BRK1: variants seen among roughly 807,000 people sequenced by gnomAD.
The protein encoded by BRK1 is BRICK1 subunit of SCAR/WAVE actin nucleating complex, also known as protein BRICK1.
Under a neutral mutation model 9.9 loss-of-function variants are expected in BRK1, and 6 were observed. That is an observed-to-expected ratio of 0.60 (90% CI 0.33 to 1.19). BRK1 has a LOEUF of 1.19. BRK1 is among the 50% of genes most tolerant of loss of function. BRK1 has a pLI of 0.04. For missense variants in BRK1, 62 were observed against 97.5 expected (o/e 0.64, Z 1.53); for synonymous variants, 44 against 31.9 (o/e 1.38, Z -1.28).
chr3:10,119,397 G>A (rs1229906270), intron 1 of BRK1, among the ~76,000 whole-genome samples: 1 of 152,116 alleles, frequency 6.6e-6, no homozygotes, highest in African/African-American at 2.4e-5. Flanking sequence ...GGCAAAGGTT[G>A]CAGTGAGCCA....
At chr3:10,124,100 T>C (rs1017334856) in intron 1 of BRK1, among the ~76,000 whole-genome samples, 2 of 150,284 alleles carry the variant, frequency 1.3e-5, no homozygotes, top group African/African-American at 2.5e-5. Flanking sequence ...AAGTCTTAGT[T>C]AGGCCATTAG....
At chr3:10,116,869 T>A (rs1695693156) in intron 1 of BRK1, among the ~76,000 whole-genome samples, 2 of 152,186 alleles carry the variant, frequency 1.3e-5, no homozygotes, top group South Asian at 2.1e-4. Context: ...AGTTCTAATC[T>A]TGAAGATGAA....
intron 1 of BRK1, among the ~76,000 whole-genome samples, chr3:10,116,926 G>C (rs139337700): frequency 2.0e-5 from 3 of 152,184 alleles, no homozygotes; most frequent in Non-Finnish European, 4.4e-5. Flanking sequence ...TTGTATTAAA[G>C]TATTTTCATA....
intron 1 of BRK1, among the ~76,000 whole-genome samples, chr3:10,123,307 C>T (rs1695783387): frequency 6.6e-6 from 1 of 152,120 alleles, no homozygotes; most frequent in African/African-American, 2.4e-5. Context: ...TGATGCTCTC[C>T]AACTTTTCTC....
intron 1 of BRK1, among the ~76,000 whole-genome samples, chr3:10,122,977 C>G (rs1022974263): frequency 6.6e-6 from 1 of 152,142 alleles, no homozygotes; most frequent in Non-Finnish European, 1.5e-5. Flanking sequence ...AACTTGTTAG[C>G]TAAGTGTTAA....
At chr3:10,121,302 A>T (rs1695752458) in intron 1 of BRK1, among the ~76,000 whole-genome samples, 1 of 152,238 alleles carries the variant, frequency 6.6e-6, no homozygotes. Context: ...ACTGAATTGT[A>T]TACTTTAAGC....
Position 10,126,594 on chromosome 3 carries a change from G to A in BRK1, c.*299G>A, listed in dbSNP as rs1695844226. 3 of 342,910 alleles carry A rather than the reference G, an allele frequency of 8.7e-6. No homozygotes were observed. In the Admixed American group the frequency reaches 1.4e-4, roughly 16 times the overall value. The allele number at this position is 342,910 out of a possible 1,614,324, so 21.2% of individuals were successfully genotyped here. A position where few individuals can be genotyped will look rare whatever the true frequency, so the allele number is the denominator to read the frequency against. On this transcript the variant is annotated 3_prime_UTR_variant, in exon 3 of 3. Coordinates refer to ENST00000530758, the MANE Select transcript of BRK1 (RefSeq NM_018462.5). ...CACAGCCAAAAGCCTGGGACTCTTT[G>A]TGAAGGTCCTCCTCACCTCTATCTT...
intron 1 of BRK1, among the ~76,000 whole-genome samples, chr3:10,124,449 A>T (rs546595694): frequency 6.6e-6 from 1 of 150,644 alleles, no homozygotes; most frequent in Admixed American, 6.6e-5. Context: ...ACAGAGTGAG[A>T]CTCCATCTCA....
chr3:10,124,413 T>C (rs1303142307), intron 1 of BRK1, among the ~76,000 whole-genome samples: 2 of 151,848 alleles, frequency 1.3e-5, no homozygotes, highest in Admixed American at 6.6e-5. Flanking sequence ...TGAGCCAAGA[T>C]TGCGTCACTG....
chr3:10,115,730 G>T lies in BRK1; in HGVS notation c.29G>T (p.Arg10Leu), dbSNP rs1346292786. MAGQEDPVQ[R>L]EIHQDWANRE... Reference sequence around the variant, plus strand: ...GCGGGACAGGAGGATCCGGTGCAGCGGGAGATTCACCAGGACTGGGCTAAC... The same window carrying T: ...GCGGGACAGGAGGATCCGGTGCAGCTGGAGATTCACCAGGACTGGGCTAAC... Residue 10 changes from arginine (R) to leucine (L), a missense_variant, in exon 1 of 3, where the codon CGG (arginine) becomes CTG (leucine). By Grantham distance (102) the Arg-to-Leu change is moderately radical (BLOSUM62 -2). Transcript: ENST00000530758. 6.2e-7 allele frequency: 1 copy of T among 1,613,864 alleles called. No homozygotes were observed. Among genetic ancestry groups the T allele is most frequent in the South Asian group, 1.1e-5 (1 of 91,076 alleles).
Position 10,115,803 on chromosome 3 carries a change from C to T in BRK1, c.102C>T (p.Asp34=). The stretch of plus-strand genomic sequence containing the variant: ...CCAGCAGCATCAAGAAAATCGCAGA[C>T]TTTCTCAACTCGTTCGGTCAGCGGG... ...IITSSIKKIA[D]FLNSFDMSCR... Residue 34 remains aspartate, a synonymous_variant, in exon 1 of 3, where the codon GAC becomes GAT. Coordinates refer to ENST00000530758, the MANE Select transcript of BRK1 (RefSeq NM_018462.5). 1 of 1,613,534 alleles carries T rather than the reference C, an allele frequency of 6.2e-7. No individual in the cohort carries two copies. Among genetic ancestry groups the T allele is most frequent in the Non-Finnish European group, 8.5e-7 (1 of 1,179,460 alleles).
intron 1 of BRK1, among the ~76,000 whole-genome samples, chr3:10,118,029 G>A (rs939976233): frequency 3.9e-5 from 6 of 152,112 alleles, no homozygotes; most frequent in Non-Finnish European, 1.5e-5. Context: ...GCTGAGGCGA[G>A]CAGATCACCT....
rs575874115 is a variant in BRK1, at chr3:10,125,698, T to C, written c.191T>C (p.Ile64Thr). The change falls in exon 2 of 3, where the codon ATT (isoleucine) becomes ACT (threonine). Residue 64 changes from isoleucine to threonine, a missense_variant. By Grantham distance (89) the Ile-to-Thr change is moderately conservative. Coordinates refer to ENST00000530758, the MANE Select transcript of BRK1 (RefSeq NM_018462.5). ...GCCCTTGAACGGAGAATAGAGTACATTGAAGCTCGGGTGAGTTTGATGGGC... is the reference window on the plus strand; with the variant it reads ...GCCCTTGAACGGAGAATAGAGTACACTGAAGCTCGGGTGAGTTTGATGGGC... ...LTALERRIEY[I>T]EARVTKGETL... 9.9e-6 allele frequency: 16 copies of C among 1,611,658 alleles called. No individual in the cohort carries two copies. Among genetic ancestry groups the C allele is most frequent in the East Asian group, 6.7e-5 (3 of 44,848 alleles).
chr3:10,121,882 CTTTTTTTTTTTT>C (rs911888155), intron 1 of BRK1, among the ~76,000 whole-genome samples: 3 of 88,108 alleles, frequency 3.4e-5, no homozygotes, highest in Admixed American at 2.8e-4. Context: ...CACCCGGCCA[CTTTTTTTTTTTT>C]TTTTTTTTTT....
rs1428961204 is a variant in BRK1 at position 10,125,667 on chromosome 3, T to C, written c.160T>C (p.Leu54=). 12 of 1,612,912 alleles carry C rather than the reference T, an allele frequency of 7.4e-6. No individual in the cohort carries two copies. The highest frequency in any genetic ancestry group is 2.7e-5 in the African/African-American group (2 of 74,890). The change falls in exon 2 of 3, where the codon TTG becomes CTG. Residue 54 remains leucine (L), a synonymous_variant. Transcript: ENST00000530758. ...RSRLATLNEK[L]TALERRIEYI... ...AAGACTTGCAACACTAAACGAGAAATTGACAGCCCTTGAACGGAGAATAGA... is the reference window on the plus strand; with the variant it reads ...AAGACTTGCAACACTAAACGAGAAACTGACAGCCCTTGAACGGAGAATAGA...
intron 1 of BRK1, among the ~76,000 whole-genome samples, chr3:10,124,889 A>G (rs563578399): frequency 6.6e-6 from 1 of 152,214 alleles, no homozygotes; most frequent in South Asian, 2.1e-4. Flanking sequence ...GGCAGATTGC[A>G]TCCCCTTCAC....
At chr3:10,119,143 C>CAAAA (rs74416793) in intron 1 of BRK1, among the ~76,000 whole-genome samples, 1 of 67,424 alleles carries the variant, frequency 1.5e-5, no homozygotes, top group African/African-American at 4.8e-5. Flanking sequence ...GACTCCATCT[C>CAAAA]AAAAAAAAAA....
chr3:10,126,108 G>A (rs1695836190), intron 2 of BRK1, among the ~76,000 whole-genome samples, 161 bp from the exon 3 acceptor site: 3 of 152,108 alleles, frequency 2.0e-5, no homozygotes. Flanking sequence ...CAAAAGAAGA[G>A]AAAAGTTAAG....
At chr3:10,118,580 C>T (rs1695716552) in intron 1 of BRK1, among the ~76,000 whole-genome samples, 1 of 151,808 alleles carries the variant, frequency 6.6e-6, no homozygotes. Flanking sequence ...CTCCATCTCC[C>T]AGGTTCAAGT....
Sources: allele counts gnomAD v4.1 joint callset (sites outside exome capture counted in the v4.1 genomes callset), GRCh38; gene constraint gnomAD v4.1.1; transcripts MANE v1.5; gene names NCBI Gene and HGNC (gene_info 2026-07-23, HGNC 2026-07-21).